Variants in THAP9 observed in about 807,000 individuals in gnomAD.
THAP9 encodes THAP domain containing 9, also known as DNA transposase THAP9.
A neutral mutation model predicts 35.7 loss-of-function variants in THAP9; 20 were observed. That is an observed-to-expected ratio of 0.56 (90% CI 0.39 to 0.81). The LOEUF is 0.81. THAP9 is among the 40% of genes least tolerant of loss of function. The pLI is 0.00. For synonymous variants in THAP9, 335 were observed against 373.7 expected (o/e 0.90, Z 1.19); for missense variants, 870 against 1,047.4 (o/e 0.83, Z 2.34).
chr4:82,907,699 C>A, intron 3 of THAP9, 86 bp from the exon 4 acceptor site: 1 of 951,912 alleles, frequency 1.1e-6, no homozygotes, highest in Admixed American at 3.1e-5. Context: ...ATTCTGATGC[C>A]CAGTGCATTT....
In THAP9 at chr4:82,919,008, C is replaced by A; in HGVS notation, c.*84C>A. On this transcript the variant is annotated 3_prime_UTR_variant, in exon 5 of 5. Coordinates refer to ENST00000302236, the MANE Select transcript of THAP9 (RefSeq NM_024672.6). ...TCAATTTACCATATTTTATAAATTG[C>A]GCATTCTGCACAGTGGACAAGTTTG... 8.5e-7 allele frequency: 1 copy of A among 1,175,672 alleles called. No homozygotes were observed. The highest frequency in any genetic ancestry group is 1.6e-5 in the South Asian group (1 of 62,200). 72.8% of individuals were successfully genotyped at this position (1,175,672 alleles called of 1,614,324 possible). A position where few individuals can be genotyped will look rare whatever the true frequency, so the allele number is the denominator to read the frequency against.
Position 82,918,599 on chromosome 4 carries a change from A to T in THAP9, c.2387A>T (p.Glu796Val), listed in dbSNP as rs2126018062. 1 of 1,614,062 alleles carries T rather than the reference A, an allele frequency of 6.2e-7. No individual in the cohort carries two copies. The highest frequency in any genetic ancestry group is 1.7e-4 in the Middle Eastern group (1 of 6,060). Residue 796 changes from glutamate to valine, a missense_variant, in exon 5 of 5, where the codon GAA becomes GTA. Coordinates refer to ENST00000302236, the MANE Select transcript of THAP9 (RefSeq NM_024672.6). Reference protein sequence around the residue: ...AIFELVSKQRELYLQQKILCE... With the variant: ...AIFELVSKQRVLYLQQKILCE... ...TTTGAACTAGTTTCTAAACAAAGGG[A>T]ATTGTATCTTCAACAGAAAATATTA...
intron 4 of THAP9, among the ~76,000 whole-genome samples, chr4:82,909,383 A>G (rs1398078842): frequency 2.0e-5 from 3 of 151,892 alleles, no homozygotes; most frequent in Non-Finnish European, 2.9e-5. Context: ...CATACATTAT[A>G]TATAAATAAT....
intron 4 of THAP9, among the ~76,000 whole-genome samples, chr4:82,908,642 C>G (rs1039803831): frequency 6.6e-6 from 1 of 152,196 alleles, no homozygotes; most frequent in Non-Finnish European, 1.5e-5. Context: ...AGGCTGCATG[C>G]AGCACAGCGG....
intron 3 of THAP9, 125 bp from the exon 4 acceptor site, chr4:82,907,660 A>C: frequency 2.7e-6 from 2 of 729,832 alleles, no homozygotes; most frequent in Non-Finnish European, 4.3e-6. Context: ...GAATAGACTT[A>C]ATCAAAATGC....
intron 3 of THAP9, among the ~76,000 whole-genome samples, chr4:82,907,096 A>G (rs1310837995): frequency 6.6e-6 from 1 of 152,160 alleles, no homozygotes; most frequent in African/African-American, 2.4e-5. Flanking sequence ...AAAATATTCT[A>G]TAGAGTAGAC....
intron 4 of THAP9, among the ~76,000 whole-genome samples, chr4:82,913,816 A>C (rs1720949373): frequency 2.0e-5 from 3 of 151,654 alleles, no homozygotes; most frequent in Admixed American, 2.0e-4. Context: ...GGCTCACTGC[A>C]ACCTTCACCT....
rs1721104158 is a variant in THAP9 at position 82,918,089 on chromosome 4, G to C, written c.1877G>C (p.Ser626Thr). ...ATGCTTAGGCAGGTATTAGTAACAA[G>C]TTCTAGCCCTACCTGCATGGCATTC... ...LKMLRQVLVT[S>T]SSPTCMAFQK... is the part of the protein sequence containing the mutation. Residue 626 changes from serine to threonine, a missense_variant, in exon 5 of 5, where the codon AGT becomes ACT. This residue lies in a region of THAP9 where 414 missense variants were observed against 500.8 expected (regional missense o/e 0.83). Coordinates refer to ENST00000302236, the MANE Select transcript of THAP9 (RefSeq NM_024672.6). 2 of 1,614,068 alleles carry C rather than the reference G, an allele frequency of 1.2e-6. No individual in the cohort carries two copies. Among genetic ancestry groups the C allele is most frequent in the Non-Finnish European group, 1.7e-6 (2 of 1,179,982 alleles).
intron 4 of THAP9, chr4:82,913,261 A>G (rs1720925986): frequency 1.3e-5 from 2 of 152,208 alleles, no homozygotes; most frequent in Non-Finnish European, 2.9e-5. Context: ...ACATTGTTCT[A>G]GTAGCTGTAG....
At position 82,917,062 on chromosome 4, in the gene THAP9, A is replaced by AT; in HGVS notation, c.851dup (p.Met284IlefsTer12). The AT allele has an allele frequency of 1.2e-6, 2 of 1,613,292 alleles. No individual in the cohort carries two copies. The highest frequency in any genetic ancestry group is 1.7e-6 in the Non-Finnish European group (2 of 1,179,644). ...ATACTGTTCATTGTTAATAAAAAGTATGCCTCTCAAGCAACAGCTTCAGTG... is the reference window on the plus strand; with the variant it reads ...ATACTGTTCATTGTTAATAAAAAGTATTGCCTCTCAAGCAACAGCTTCAGTG... On this transcript the variant is annotated frameshift_variant, in exon 5 of 5. Coordinates refer to ENST00000302236, the MANE Select transcript of THAP9 (RefSeq NM_024672.6). LOFTEE classifies it low-confidence loss of function (END_TRUNC).
intron 3 of THAP9, 87 bp from the exon 4 acceptor site, chr4:82,907,698 C>T: frequency 1.1e-6 from 1 of 943,378 alleles, no homozygotes; most frequent in Non-Finnish European, 1.5e-6. Flanking sequence ...AATTCTGATG[C>T]CCAGTGCATT....
At chr4:82,913,513 T>C (rs1203777376) in intron 4 of THAP9, 1 of 152,238 alleles carries the variant, frequency 6.6e-6, no homozygotes, top group Admixed American at 6.5e-5. Context: ...AACATTCTAG[T>C]GTGCTGTAGC....
Position 82,910,143 on chromosome 4 carries a change from C to G in THAP9, c.731+2208C>G, listed in dbSNP as rs17352163. On this transcript the variant is annotated intron_variant, in intron 4 of 4. Coordinates refer to ENST00000302236, the MANE Select transcript of THAP9 (RefSeq NM_024672.6). ...CCTAGATTAAATCTTCCTGGTAATT[C>G]CAGCGCACATTTATCTTTTCTCTCT... 9 of 152,122 alleles carry G rather than the reference C, an allele frequency of 5.9e-5. No individual in the cohort carries two copies. The South Asian group carries it at 1.9e-3, about 32-fold the overall frequency. 9.4% of individuals were successfully genotyped at this position (152,122 alleles called of 1,614,324 possible).
rs1721078683 is a variant in THAP9, at chr4:82,917,520, T to C, written c.1308T>C (p.Asn436=). ...FQNFQSIQFI[N]GIAHWQHLVE... is the part of the protein sequence containing the mutation. ...ATTTTCAAAGCATTCAGTTTATTAA[T>C]GGTATAGCACATTGGCAGCACCTCG... The change falls in exon 5 of 5, where the codon AAT becomes AAC. Residue 436 remains asparagine (N), a synonymous_variant. Transcript: ENST00000302236. 2 of 1,613,120 alleles carry C rather than the reference T, an allele frequency of 1.2e-6. No individual in the cohort carries two copies. The highest frequency in any genetic ancestry group is 1.7e-6 in the Non-Finnish European group (2 of 1,179,086).
chr4:82,913,365 T>C (rs149244496), intron 4 of THAP9: 16 of 152,158 alleles, frequency 1.1e-4, no homozygotes, highest in African/African-American at 3.4e-4. Context: ...TAAAATTACA[T>C]AGGGACATTA....
rs1474099346 is a variant in THAP9, at chr4:82,918,439, G to A, written c.2227G>A (p.Asp743Asn). ...EDCITALYAS[D>N]LKASKIGSLL... is the part of the protein sequence containing the mutation. ...CTGCATCACTGCACTGTATGCATCGGATCTCAAAGCCTCTAAAATTGGGTC... is the reference window on the plus strand; with the variant it reads ...CTGCATCACTGCACTGTATGCATCGAATCTCAAAGCCTCTAAAATTGGGTC... Residue 743 changes from aspartate to asparagine, a missense_variant, in exon 5 of 5, where the codon GAT becomes AAT. Transcript: ENST00000302236. The A allele has an allele frequency of 1.2e-6, 2 of 1,614,132 alleles. No homozygotes were observed. The highest frequency in any genetic ancestry group is 3.3e-5 in the Admixed American group (2 of 60,018).
At chr4:82,900,997 A>G in intron 1 of THAP9, 115 bp downstream of exon 1, 1 of 1,253,288 alleles carries the variant, frequency 8.0e-7, no homozygotes, top group Non-Finnish European at 1.1e-6. Flanking sequence ...GTGTGACGCG[A>G]CGTGACGTGC....
Position 82,909,143 on chromosome 4 carries a change from G to A in THAP9, c.731+1208G>A, listed in dbSNP as rs147089468. Among the ~76,000 whole-genome samples the A allele has an allele frequency of 7.0e-3, 1,066 of 151,706 alleles. 14 individuals are homozygous for A. The highest frequency in any genetic ancestry group is 0.024 in the African/African-American group (1,000 of 41,324). On this transcript the variant is annotated intron_variant, in intron 4 of 4. Transcript: ENST00000302236. ...GCTAATCTCGAACTCCTGATCTCGTGATCCACCCACCTCGGCCTCCCAAAG... is the reference window on the plus strand; with the variant it reads ...GCTAATCTCGAACTCCTGATCTCGTAATCCACCCACCTCGGCCTCCCAAAG...
At chr4:82,901,092 G>A in intron 1 of THAP9, 1 of 712,562 alleles carries the variant, frequency 1.4e-6, no homozygotes, top group Non-Finnish European at 2.5e-6. Context: ...CCTCTGAATA[G>A]CCGGTTCTCG....
Sources: gnomAD v4.1 joint callset for allele counts (sites outside exome capture counted in the v4.1 genomes callset) on GRCh38, gnomAD v4.1.1 for gene constraint, gnomAD v4.1.1 regional missense constraint, MANE v1.5 for transcripts, NCBI Gene and HGNC (gene_info 2026-07-23, HGNC 2026-07-21) for gene names.